The following CNTN1 variants were observed in gnomAD, a reference collection of about 807,000 sequenced individuals.
The protein encoded by CNTN1 is contactin-1.
In CNTN1, 38 loss-of-function variants were observed where a neutral mutation model predicts 126.4. The observed-to-expected ratio is 0.30, with a 90% confidence interval of 0.23 to 0.39. CNTN1 has a LOEUF of 0.39. CNTN1 is among the 10% of genes least tolerant of loss of function. The pLI, the probability that CNTN1 is intolerant of heterozygous loss-of-function variation, is 1.00. For missense variants in CNTN1, 1,009 were observed against 1,248.4 expected (o/e 0.81, Z 2.89); for synonymous variants, 413 against 422.6 (o/e 0.98, Z 0.28).
intron 23 of CNTN1, among the ~76,000 whole-genome samples, chr12:41,050,539 G>A (rs1443345151): frequency 6.6e-6 from 1 of 152,112 alleles, no homozygotes; most frequent in African/African-American, 2.4e-5. Context: ...TCATCCCCAT[G>A]ATCCAATCAC....
chr12:40,968,372 T>A (rs1592338566), intron 15 of CNTN1, among the ~76,000 whole-genome samples: 2 of 152,200 alleles, frequency 1.3e-5, no homozygotes, highest in African/African-American at 2.4e-5. Context: ...ATGGCTGGCC[T>A]ATTACAAGGG....
chr12:40,958,381 A>C (rs866121451), intron 14 of CNTN1, among the ~76,000 whole-genome samples: 1 of 130,522 alleles, frequency 7.7e-6, no homozygotes, highest in African/African-American at 3.0e-5. Flanking sequence ...GTGTGTGTGT[A>C]TGTATGTATG....
At position 40,939,404 on chromosome 12, in the gene CNTN1, T is replaced by C. The variant is rs1565994105; in HGVS notation, c.1298T>C (p.Ile433Thr). The C allele has an allele frequency of 1.2e-6, 2 of 1,613,848 alleles. No individual in the cohort carries two copies. Among genetic ancestry groups the C allele is most frequent in the Non-Finnish European group, 8.5e-7 (1 of 1,179,956 alleles). ...CTGGCTGCTAAAGGTGGAAGGGTGATAATTGAATGCAAACCTAAAGCTGCA... is the reference window on the plus strand; with the variant it reads ...CTGGCTGCTAAAGGTGGAAGGGTGACAATTGAATGCAAACCTAAAGCTGCA... ...KILAAKGGRV[I>T]IECKPKAAPK... The change falls in exon 12 of 24, where the codon ATA becomes ACA. Residue 433 changes from isoleucine (I) to threonine (T), a missense_variant. Coordinates refer to ENST00000551295, the MANE Select transcript of CNTN1 (RefSeq NM_001843.4).
intron 1 of CNTN1, among the ~76,000 whole-genome samples, chr12:40,792,867 A>C (rs1940270592): frequency 6.6e-6 from 1 of 152,116 alleles, no homozygotes; most frequent in Non-Finnish European, 1.5e-5. Context: ...TTTCACCCGA[A>C]AATATATTTC....
At chr12:40,976,612 A>C (rs1181546872) in intron 15 of CNTN1, among the ~76,000 whole-genome samples, 1 of 149,912 alleles carries the variant, frequency 6.7e-6, no homozygotes, top group Non-Finnish European at 1.5e-5. Flanking sequence ...CATTGACAAA[A>C]GAATCAGAAG....
At chr12:40,937,380 A>G (rs1946116592) in intron 10 of CNTN1, among the ~76,000 whole-genome samples, 190 bp from the exon 11 acceptor site, 1 of 152,118 alleles carries the variant, frequency 6.6e-6, no homozygotes, top group South Asian at 2.1e-4. Context: ...TGAATAGAAC[A>G]AGAGCCTTTG....
At chr12:41,020,892 C>T (rs1948891344) in intron 20 of CNTN1, among the ~76,000 whole-genome samples, 1 of 152,134 alleles carries the variant, frequency 6.6e-6, no homozygotes, top group African/African-American at 2.4e-5. Flanking sequence ...CTTATGTTAT[C>T]TATGAAGTAA....
At chr12:40,768,493 C>A (rs943814998) in intron 1 of CNTN1, among the ~76,000 whole-genome samples, 4 of 152,204 alleles carry the variant, frequency 2.6e-5, no homozygotes, top group Non-Finnish European at 5.9e-5. Flanking sequence ...AACCCTCTGT[C>A]TTTTTCTCAA....
intron 1 of CNTN1, among the ~76,000 whole-genome samples, chr12:40,845,313 T>C (rs1942458076): frequency 6.6e-6 from 1 of 152,204 alleles, no homozygotes; most frequent in South Asian, 2.1e-4. Flanking sequence ...AGTGCAGATA[T>C]ATAATAGATA....
chr12:40,894,329 C>T (rs931568586), intron 1 of CNTN1, among the ~76,000 whole-genome samples: 8 of 152,058 alleles, frequency 5.3e-5, no homozygotes, highest in African/African-American at 1.9e-4. Context: ...TCCTTCCTCC[C>T]AATTGTTAAA....
intron 23 of CNTN1, among the ~76,000 whole-genome samples, chr12:41,040,499 T>C (rs1465718463): frequency 6.6e-6 from 1 of 152,156 alleles, no homozygotes; most frequent in Non-Finnish European, 1.5e-5. Context: ...GAAAGTTACT[T>C]TGGGCAGTAT....
chr12:40,889,684 G>A (rs1394685552), intron 1 of CNTN1, among the ~76,000 whole-genome samples: 2 of 152,100 alleles, frequency 1.3e-5, no homozygotes, highest in Non-Finnish European at 2.9e-5. Flanking sequence ...ATTATTATGA[G>A]TATTAAAAAA....
chr12:40,933,864 G>A lies in CNTN1; in HGVS notation c.971G>A (p.Arg324Lys), dbSNP rs148624625. Reference sequence around the variant, plus strand: ...AGAGGAAAGGATAAACATCAAGCAAGAATTTATGTTCAAGGTAGATACATT... The same window carrying A: ...AGAGGAAAGGATAAACATCAAGCAAAAATTTATGTTCAAGGTAGATACATT... ...NIRGKDKHQA[R>K]IYVQAFPEWV... is the part of the protein sequence containing the mutation. The change falls in exon 9 of 24, where the codon AGA becomes AAA. Residue 324 changes from arginine to lysine, a missense_variant. Arg to Lys is a conservative substitution (Grantham distance 26). Transcript: ENST00000551295. 67 of 1,610,960 alleles carry A rather than the reference G, an allele frequency of 4.2e-5. No homozygotes were observed. The highest frequency in any genetic ancestry group is 5.5e-5 in the Non-Finnish European group (65 of 1,177,788).
At chr12:40,978,987 C>G (rs887057465) in intron 15 of CNTN1, 6 of 152,004 alleles carry the variant, frequency 3.9e-5, no homozygotes, top group African/African-American at 1.4e-4. Flanking sequence ...TAGTAATTGA[C>G]TTAGGATGCT....
chr12:40,958,986 G>C, intron 14 of CNTN1, 128 bp from the exon 15 acceptor site: 1 of 1,045,846 alleles, frequency 9.6e-7, no homozygotes, highest in Non-Finnish European at 1.4e-6. Context: ...CATAGAGTTA[G>C]CATGTCTAAA....
intron 1 of CNTN1, among the ~76,000 whole-genome samples, chr12:40,799,953 A>G (rs1940583492): frequency 6.6e-6 from 1 of 152,046 alleles, no homozygotes; most frequent in South Asian, 2.1e-4. Flanking sequence ...ATATGACATT[A>G]AAGTCCAAAG....
At chr12:40,809,955 C>T (rs539632534) in intron 1 of CNTN1, among the ~76,000 whole-genome samples, 133 of 152,144 alleles carry the variant, frequency 8.7e-4, no homozygotes, top group African/African-American at 2.8e-3. Flanking sequence ...TATTGTTAGT[C>T]GTCAGGATAG....
At chr12:40,711,435 A>G (rs1017769323) in intron 1 of CNTN1, among the ~76,000 whole-genome samples, 1 of 152,096 alleles carries the variant, frequency 6.6e-6, no homozygotes, top group Admixed American at 6.6e-5. Flanking sequence ...ATATCCCTTC[A>G]CATTTTTAGG....
At chr12:41,037,982 AC>A (rs1352194585) in intron 23 of CNTN1, among the ~76,000 whole-genome samples, 1 of 151,998 alleles carries the variant, frequency 6.6e-6, no homozygotes, top group Non-Finnish European at 1.5e-5. Context: ...AAGTGGTGAA[AC>A]CCCATCTCTA....
Sources: allele counts gnomAD v4.1 joint callset (sites outside exome capture counted in the v4.1 genomes callset), GRCh38; gene constraint gnomAD v4.1.1; transcripts MANE v1.5; gene names NCBI Gene and HGNC (gene_info 2026-07-23, HGNC 2026-07-21).